EPS15L1: variants seen among roughly 807,000 people sequenced by gnomAD.
EPS15L1 encodes epidermal growth factor receptor pathway substrate 15 like 1.
EPS15L1 carries 43 observed loss-of-function variants against 117.1 expected under a neutral mutation model. The observed-to-expected ratio is 0.37, with a 90% CI of 0.29 to 0.47. EPS15L1 has a LOEUF of 0.47. Ranked by LOEUF, EPS15L1 falls within the 20% of genes least tolerant of loss-of-function variation. EPS15L1 has a pLI of 0.99. For synonymous variants in EPS15L1, 459 were observed against 470.5 expected (o/e 0.98, Z 0.32); for missense variants, 981 against 1,164.0 (o/e 0.84, Z 2.29).
chr19:16,413,605 T>A (rs2092728153), intron 13 of EPS15L1, 168 bp downstream of exon 13: 6 of 756,878 alleles, frequency 7.9e-6, no homozygotes, highest in Non-Finnish European at 1.3e-5. Context: ...ATAAAGTGAA[T>A]TCAGCCTGAA....
intron 13 of EPS15L1, chr19:16,413,236 C>T (rs2092724676): frequency 1.6e-6 from 1 of 643,288 alleles, no homozygotes; most frequent in African/African-American, 1.8e-5. Context: ...CACATTGTCC[C>T]TTGCAAGGTG....
At chr19:16,418,795 G>T (rs2092785478) in intron 10 of EPS15L1, among the ~76,000 whole-genome samples, 1 of 152,148 alleles carries the variant, frequency 6.6e-6, no homozygotes, top group Admixed American at 6.5e-5. Flanking sequence ...TGCTCCTTTT[G>T]CCATGTGAGG....
At chr19:16,362,462 G>A (rs999695871) in intron 22 of EPS15L1, among the ~76,000 whole-genome samples, 1 of 139,854 alleles carries the variant, frequency 7.2e-6, no homozygotes, top group Admixed American at 7.2e-5. Flanking sequence ...TATTCGGTGT[G>A]TTAGTTATAA....
intron 13 of EPS15L1, among the ~76,000 whole-genome samples, chr19:16,406,335 A>C (rs939955200): frequency 6.6e-6 from 1 of 152,168 alleles, no homozygotes; most frequent in Non-Finnish European, 1.5e-5. Flanking sequence ...TTCGACAGGA[A>C]ACTCAGGAGA....
At chr19:16,444,193 A>T in intron 1 of EPS15L1, among the ~76,000 whole-genome samples, 1 of 151,882 alleles carries the variant, frequency 6.6e-6, no homozygotes, top group East Asian at 1.9e-4. Context: ...AAAGAGGAAA[A>T]GAAAGGGGGA....
chr19:16,357,425 G>T (rs540750203), intron 23 of EPS15L1: 1 of 152,372 alleles, frequency 6.6e-6, no homozygotes, highest in Non-Finnish European at 1.5e-5. Flanking sequence ...GGAGGGGCTC[G>T]TGGGCCCCAG....
At position 16,442,269 on chromosome 19, in the gene EPS15L1, G is replaced by A. The variant is rs560236382; in HGVS notation, c.34-50C>T. 8.0e-4 allele frequency: 1,225 copies of A among 1,525,542 alleles called. 19 individuals carry two copies. In the South Asian group the frequency reaches 0.014, roughly 17 times the overall value. The allele number at this position is 1,525,542 out of a possible 1,614,324, so 94.5% of individuals were successfully genotyped here. On this transcript the variant is annotated intron_variant, in intron 1 of 23. Coordinates refer to ENST00000455140, the MANE Select transcript of EPS15L1 (RefSeq NM_001258374.3). ...GTCAAAAGTGAACACAACCCCTTGG[G>A]GAAAAAAAGGGTTGCCCCCTCAATT...
chr19:16,358,718 A>C (rs2092014534), intron 23 of EPS15L1, among the ~76,000 whole-genome samples: 1 of 152,238 alleles, frequency 6.6e-6, no homozygotes, highest in Non-Finnish European at 1.5e-5. Context: ...CTGGCGCTCC[A>C]AGGTGTCTGA....
intron 2 of EPS15L1, 62 bp downstream of exon 2, chr19:16,442,116 G>A (rs2093037957): frequency 1.3e-6 from 2 of 1,535,342 alleles, no homozygotes; most frequent in Admixed American, 1.7e-5. Context: ...CTTCTATTCT[G>A]TACTGTGCTT....
At position 16,355,557 on chromosome 19, in the gene EPS15L1, G is replaced by T; in HGVS notation, c.*148C>A. The stretch of plus-strand genomic sequence containing the variant: ...AGGAGATGTGACCTTTCCAGGTCTT[G>T]CAGCCGAGTCTGCTCACCCTGAACA... On this transcript the variant is annotated 3_prime_UTR_variant, in exon 24 of 24. Transcript: ENST00000455140. 9.7e-7 allele frequency: 1 copy of T among 1,029,278 alleles called. No homozygotes were observed. The highest frequency in any genetic ancestry group is 1.4e-6 in the Non-Finnish European group (1 of 729,350). The allele number at this position is 1,029,278 out of a possible 1,614,324, so 63.8% of individuals were successfully genotyped here.
chr19:16,388,359 T>G (rs768994840), intron 19 of EPS15L1, among the ~76,000 whole-genome samples: 1 of 152,064 alleles, frequency 6.6e-6, no homozygotes, highest in Non-Finnish European at 1.5e-5. Context: ...ATCAAATTTG[T>G]TGAAAAGCAT....
chr19:16,448,217 C>T (rs978284942), intron 1 of EPS15L1, among the ~76,000 whole-genome samples: 2 of 152,126 alleles, frequency 1.3e-5, no homozygotes, highest in African/African-American at 4.8e-5. Context: ...GGCAGACAAA[C>T]TTTATGTTTG....
chr19:16,416,501 G>T (rs1260418122), intron 12 of EPS15L1, among the ~76,000 whole-genome samples: 2 of 152,132 alleles, frequency 1.3e-5, no homozygotes, highest in Non-Finnish European at 2.9e-5. Context: ...AGCCAGGCAT[G>T]GTGGCATGCA....
rs979667293 is a variant in EPS15L1 at position 16,405,672 on chromosome 19, T to C, written c.1267-923A>G. ...TGGCGCCGTGTGCTTTGCCTTACAG[T>C]GGGACATGAGCACACTGCATTTGTG... On this transcript the variant is annotated intron_variant, in intron 13 of 23. Transcript: ENST00000455140. The surrounding 1 kb of genome is among the most constrained non-coding windows in gnomAD (Gnocchi z 4.0). 1.3e-5 allele frequency among the ~76,000 whole-genome samples: 2 copies of C among 152,040 alleles called. No homozygotes were observed. The highest frequency in any genetic ancestry group is 2.9e-5 in the Non-Finnish European group (2 of 67,992).
At chr19:16,363,277 G>A (rs1484164115) in intron 22 of EPS15L1, among the ~76,000 whole-genome samples, 1 of 152,168 alleles carries the variant, frequency 6.6e-6, no homozygotes, top group Non-Finnish European at 1.5e-5. Flanking sequence ...GTTAACTCTG[G>A]AAGTTTCGAA....
At chr19:16,391,122 T>C (rs1370021552) in intron 19 of EPS15L1, among the ~76,000 whole-genome samples, 1 of 152,090 alleles carries the variant, frequency 6.6e-6, no homozygotes, top group Non-Finnish European at 1.5e-5. Context: ...CCGCCAGTAC[T>C]AGAAAATGAA....
Position 16,471,795 on chromosome 19 carries a change from T to G in EPS15L1, c.33+118A>C, listed in dbSNP as rs2093348587. 16 of 173,642 alleles carry G rather than the reference T, an allele frequency of 9.2e-5. No individual in the cohort carries two copies. The highest frequency in any genetic ancestry group is 3.4e-4 in the East Asian group (2 of 5,918). The allele number at this position is 173,642 out of a possible 1,614,324, so 10.8% of individuals were successfully genotyped here. A position where few individuals can be genotyped will look rare whatever the true frequency, so the allele number is the denominator to read the frequency against. On this transcript the variant is annotated intron_variant, in intron 1 of 23. Coordinates refer to ENST00000455140, the MANE Select transcript of EPS15L1 (RefSeq NM_001258374.3). The surrounding 1 kb of genome is among the most constrained non-coding windows in gnomAD (Gnocchi z 4.8). ...CTGCCCACCCGCCCGCCGCAAGCCC[T>G]TCAGCACGCGCCGCCCCCGCCGCCG...
At chr19:16,369,202 G>C (rs1463521241) in intron 22 of EPS15L1, among the ~76,000 whole-genome samples, 1 of 152,170 alleles carries the variant, frequency 6.6e-6, no homozygotes, top group African/African-American at 2.4e-5. Context: ...GAGTCCTGCA[G>C]GCACCAGCCC....
intron 4 of EPS15L1, among the ~76,000 whole-genome samples, chr19:16,439,010 C>A (rs2093003455): frequency 6.6e-6 from 1 of 151,970 alleles, no homozygotes; most frequent in African/African-American, 2.4e-5. Flanking sequence ...TCCCTCCTAA[C>A]CCAGGACCCA....
Sources: gnomAD v4.1 joint callset for allele counts (sites outside exome capture counted in the v4.1 genomes callset) on GRCh38, gnomAD v4.1.1 for gene constraint, Gnocchi (gnomAD v3.1) non-coding constraint, MANE v1.5 for transcripts, NCBI Gene and HGNC (gene_info 2026-07-23, HGNC 2026-07-21) for gene names.